PPFIBP2: variants seen among roughly 807,000 people sequenced by gnomAD.
The protein encoded by PPFIBP2 is PPFIB scaffold protein 2, also known as liprin-beta-2.
Under a neutral mutation model 118.3 loss-of-function variants are expected in PPFIBP2, and 118 were observed. The ratio of observed to expected loss-of-function variants is 1.00; its 90% CI spans 0.86 to 1.16. The LOEUF (loss-of-function observed/expected upper bound fraction) is 1.16, where lower values mean the gene tolerates loss of function less well. Ranked by LOEUF, PPFIBP2 falls within the 50% of genes most tolerant of loss-of-function variation. The probability of loss-of-function intolerance (pLI) is 0.00; values close to 1 mark genes in which losing one functional copy is unlikely to be tolerated. For missense variants in PPFIBP2, 1,195 were observed against 1,073.1 expected (o/e 1.11, Z -1.59); for synonymous variants, 414 against 397.4 (o/e 1.04, Z -0.50).
At chr11:7,543,009 A>C (rs543926487) in intron 1 of PPFIBP2, among the ~76,000 whole-genome samples, 1 of 152,368 alleles carries the variant, frequency 6.6e-6, no homozygotes, top group African/African-American at 2.4e-5. Flanking sequence ...GTTTTCACTC[A>C]AGTCTGTCTG....
chr11:7,546,264 A>G (rs1173241218), intron 1 of PPFIBP2, among the ~76,000 whole-genome samples: 2 of 152,190 alleles, frequency 1.3e-5, no homozygotes, highest in African/African-American at 4.8e-5. Flanking sequence ...ACCCTCTGTA[A>G]TGTTTCCTTG....
chr11:7,568,150 A>G (rs887940785), intron 3 of PPFIBP2, among the ~76,000 whole-genome samples: 5 of 152,128 alleles, frequency 3.3e-5, no homozygotes, highest in Non-Finnish European at 7.3e-5. Context: ...ACATGGTCCA[A>G]CTCTGCCTCG....
chr11:7,574,788 TC>T, intron 3 of PPFIBP2, among the ~76,000 whole-genome samples: 1 of 152,168 alleles, frequency 6.6e-6, no homozygotes, highest in Non-Finnish European at 1.5e-5. Context: ...CCTTCCCCTT[TC>T]CCTCCTGCCA....
chr11:7,541,642 A>T (rs1013527472), intron 1 of PPFIBP2, among the ~76,000 whole-genome samples: 3 of 152,020 alleles, frequency 2.0e-5, no homozygotes, highest in African/African-American at 7.3e-5. Context: ...ACTTCATGCA[A>T]TTGCTTAAAT....
intron 5 of PPFIBP2, among the ~76,000 whole-genome samples, chr11:7,601,427 C>A (rs961346858): frequency 6.6e-6 from 1 of 152,120 alleles, no homozygotes; most frequent in East Asian, 1.9e-4. Context: ...TTGCAGCCCA[C>A]GGCAGGATGT....
intron 1 of PPFIBP2, among the ~76,000 whole-genome samples, chr11:7,527,707 G>C (rs754051717): frequency 6.6e-6 from 1 of 152,180 alleles, no homozygotes; most frequent in East Asian, 1.9e-4. Context: ...CTGAAGGAAA[G>C]ACAGGGACCA....
rs11380902 is a variant in PPFIBP2, at chr11:7,545,691, TAAAA to T, written c.-36-3745_-36-3742del. On this transcript the variant is annotated intron_variant, in intron 1 of 23. Transcript: ENST00000299492. The stretch of plus-strand genomic sequence containing the variant: ...CAAGGATAAGGGGGGACTACTATAA[TAAAA>T]AAAGTATATATTTGGTCTCCTTCCA... Among the ~76,000 whole-genome samples, 9 of 151,862 alleles carry T rather than the reference TAAAA, an allele frequency of 5.9e-5. No homozygotes were observed. In the East Asian group the frequency reaches 1.8e-3, roughly 30 times the overall value.
At chr11:7,617,063 A>T (rs1848740073) in intron 6 of PPFIBP2, 1 of 933,344 alleles carries the variant, frequency 1.1e-6, no homozygotes. Context: ...TGCGTCTGAG[A>T]GCTGTCTGAC....
At chr11:7,666,363 A>G in the PPFIBP2 span, 3 of 869,970 alleles carry the variant, frequency 3.4e-6, no homozygotes, top group Non-Finnish European at 3.8e-6. Flanking sequence ...CTACAAAACT[A>G]AAACAAAACA....
At chr11:7,654,276 CT>C (rs1438654767), downstream of PPFIBP2, among the ~76,000 whole-genome samples, 1 of 152,208 alleles carries the variant, frequency 6.6e-6, no homozygotes, top group African/African-American at 2.4e-5. Flanking sequence ...CTGATAATGG[CT>C]CCTCCAGATG....
At chr11:7,625,678 C>A in intron 7 of PPFIBP2, 99 bp from the exon 8 acceptor site, 1 of 892,856 alleles carries the variant, frequency 1.1e-6, no homozygotes, top group Non-Finnish European at 1.8e-6. Flanking sequence ...ACTCCTGATG[C>A]ACCCTGGTGC....
At position 7,571,747 on chromosome 11, in the gene PPFIBP2, C is replaced by T. The variant is rs1855672635; in HGVS notation, c.279+5980C>T. On this transcript the variant is annotated intron_variant, in intron 3 of 23. Transcript: ENST00000299492. The stretch of plus-strand genomic sequence containing the variant: ...AGAGATGAGAAAGGAGTAGGTGTGT[C>T]CGTGCTTTCTTTCTGCGCTCAGCTC... 3 of 152,212 alleles carry T rather than the reference C, an allele frequency of 2.0e-5. No individual in the cohort carries two copies. In the South Asian group the frequency reaches 6.2e-4, roughly 32 times the overall value. The allele number at this position is 152,212 out of a possible 1,614,324, so 9.4% of individuals were successfully genotyped here.
At chr11:7,666,129 C>A in the PPFIBP2 span, 5 of 612,232 alleles carry the variant, frequency 8.2e-6, no homozygotes, top group Non-Finnish European at 1.5e-5. Context: ...GGGTCAGTGC[C>A]CATATTAGAT....
chr11:7,526,333 G>A (rs888854463), intron 1 of PPFIBP2, among the ~76,000 whole-genome samples: 2 of 152,154 alleles, frequency 1.3e-5, no homozygotes, highest in African/African-American at 2.4e-5. Context: ...AGGCATAGAA[G>A]CCCAAGTGAG....
intron 4 of PPFIBP2, among the ~76,000 whole-genome samples, chr11:7,595,430 G>T (rs1860105389): frequency 6.6e-6 from 1 of 152,152 alleles, no homozygotes; most frequent in South Asian, 2.1e-4. Flanking sequence ...ATTTACAGAG[G>T]ATTACAATTT....
intron 17 of PPFIBP2, among the ~76,000 whole-genome samples, chr11:7,646,989 C>G (rs905627622): frequency 6.6e-6 from 1 of 151,870 alleles, no homozygotes; most frequent in African/African-American, 2.4e-5. Context: ...TTGTAAGTTC[C>G]AGGCCTCGTA....
intron 17 of PPFIBP2, among the ~76,000 whole-genome samples, chr11:7,643,941 A>T (rs1852594032): frequency 6.6e-6 from 1 of 152,220 alleles, no homozygotes. Context: ...TCCAGTCAGC[A>T]CTGCTGGACA....
chr11:7,657,085 C>T (rs566014780), downstream of PPFIBP2: 17 of 291,838 alleles, frequency 5.8e-5, no homozygotes, highest in African/African-American at 3.7e-4. Context: ...AGTGACATAT[C>T]AGCACACAGA....
chr11:7,519,899 C>T (rs546445108), intron 1 of PPFIBP2, among the ~76,000 whole-genome samples: 1 of 152,088 alleles, frequency 6.6e-6, no homozygotes, highest in African/African-American at 2.4e-5. Flanking sequence ...ACCAGGTTCC[C>T]GGGGAAGCTT....
Sources: gnomAD v4.1 joint callset for allele counts (sites outside exome capture counted in the v4.1 genomes callset) on GRCh38, gnomAD v4.1.1 for gene constraint, MANE v1.5 for transcripts, NCBI Gene and HGNC (gene_info 2026-07-23, HGNC 2026-07-21) for gene names.